The following DGCR2 variants were observed in gnomAD, a reference collection of about 807,000 sequenced individuals.
DGCR2 encodes DiGeorge syndrome critical region gene 2, also known as integral membrane protein DGCR2/IDD.
A neutral mutation model predicts 51.6 loss-of-function variants in DGCR2; 24 were observed. The ratio of observed to expected loss-of-function variants is 0.47; its 90% CI spans 0.34 to 0.65. The LOEUF (loss-of-function observed/expected upper bound fraction) is 0.65. DGCR2 is among the 30% of genes least tolerant of loss of function. The pLI is 0.01. For missense variants in DGCR2, 765 were observed against 772.1 expected, an observed-to-expected ratio of 0.99 and a Z score of 0.11; for synonymous variants, 340 against 315.4, an observed-to-expected ratio of 1.08 and a Z score of -0.82.
chr22:19,111,629 C>T (rs1010494186), intron 1 of DGCR2, among the ~76,000 whole-genome samples: 4 of 152,026 alleles, frequency 2.6e-5, no homozygotes, highest in Non-Finnish European at 5.9e-5. Context: ...TAGAACTATA[C>T]CCAAACTCCC....
intron 7 of DGCR2, among the ~76,000 whole-genome samples, chr22:19,043,866 G>C (rs753239106): frequency 6.6e-6 from 1 of 152,292 alleles, no homozygotes; most frequent in South Asian, 2.1e-4. Context: ...ATCTCCAAAA[G>C]CTGCATTTTT....
chr22:19,084,851 G>A (rs1394603182), intron 2 of DGCR2, among the ~76,000 whole-genome samples: 1 of 151,620 alleles, frequency 6.6e-6, no homozygotes, highest in African/African-American at 2.4e-5. Flanking sequence ...TCCGGGAGGT[G>A]GGGGGCGCCT....
intron 1 of DGCR2, among the ~76,000 whole-genome samples, chr22:19,105,129 C>A (rs2083248423): frequency 6.6e-6 from 1 of 152,162 alleles, no homozygotes; most frequent in Admixed American, 6.5e-5. Flanking sequence ...TCAAGACCAG[C>A]CTGGACAGCA....
intron 1 of DGCR2, among the ~76,000 whole-genome samples, chr22:19,120,746 CAT>C (rs1393109101): frequency 2.0e-5 from 3 of 152,190 alleles, no homozygotes; most frequent in Non-Finnish European, 4.4e-5. Context: ...TCTACACGTA[CAT>C]ATATGTTTTC....
At chr22:19,069,246 G>T (rs1372475668) in intron 2 of DGCR2, among the ~76,000 whole-genome samples, 1 of 152,228 alleles carries the variant, frequency 6.6e-6, no homozygotes, top group Non-Finnish European at 1.5e-5. Context: ...CACAGGGAGG[G>T]TTAGGAGGCC....
Position 19,039,109 on chromosome 22 carries a change from A to G in DGCR2, c.1409T>C (p.Phe470Ser), listed in dbSNP as rs917249893. ...VFYDPADDDA[F>S]EPVEVSLPAP... is the part of the protein sequence containing the mutation. ...TGGCAGGCTGACCTCCACAGGCTCA[A>G]AAGCATCATCGTCTGCAGGAAGAGA... The change falls in exon 10 of 10, where the codon TTT becomes TCT. Residue 470 changes from phenylalanine (F) to serine (S), a missense_variant. By Grantham distance (155) the Phe-to-Ser change is radical. Coordinates refer to ENST00000263196, the MANE Select transcript of DGCR2 (RefSeq NM_005137.3). 13 of 1,612,986 alleles carry G rather than the reference A, an allele frequency of 8.1e-6. No homozygotes were observed. The highest frequency in any genetic ancestry group is 5.3e-5 in the African/African-American group (4 of 74,932).
At chr22:19,100,598 G>A (rs181576791) in intron 1 of DGCR2, among the ~76,000 whole-genome samples, 13 of 150,666 alleles carry the variant, frequency 8.6e-5, no homozygotes, top group South Asian at 2.1e-4. Context: ...TCCGGGAGAC[G>A]GAGGTTGCAG....
chr22:19,048,025 T>G (rs2082508937), intron 7 of DGCR2: 4 of 237,824 alleles, frequency 1.7e-5, no homozygotes, highest in Admixed American at 5.1e-5. Context: ...AAACCCCGTC[T>G]CTACTAAAAA....
intron 1 of DGCR2, among the ~76,000 whole-genome samples, chr22:19,097,428 C>T (rs2083154209): frequency 6.6e-6 from 1 of 152,118 alleles, no homozygotes; most frequent in Non-Finnish European, 1.5e-5. Flanking sequence ...GTGCGGGTGC[C>T]TGTAATCCCA....
At chr22:19,058,653 A>T (rs1175318561) in intron 5 of DGCR2, among the ~76,000 whole-genome samples, 1 of 152,208 alleles carries the variant, frequency 6.6e-6, no homozygotes, top group African/African-American at 2.4e-5. Flanking sequence ...AAAAATCTTC[A>T]GCGCTGAAGC....
At chr22:19,074,620 A>G (rs1334266936) in intron 2 of DGCR2, among the ~76,000 whole-genome samples, 1 of 152,170 alleles carries the variant, frequency 6.6e-6, no homozygotes, top group South Asian at 2.1e-4. Context: ...ATACCAAATG[A>G]AACAGCTAAA....
intron 2 of DGCR2, among the ~76,000 whole-genome samples, chr22:19,082,684 A>AG (rs1308189736): frequency 2.6e-5 from 4 of 151,968 alleles, no homozygotes; most frequent in Non-Finnish European, 5.9e-5. Context: ...CAGGAGGTGG[A>AG]GGTTGCAGTG....
intron 2 of DGCR2, among the ~76,000 whole-genome samples, chr22:19,071,382 T>A (rs2082813239): frequency 6.6e-6 from 1 of 152,194 alleles, no homozygotes; most frequent in African/African-American, 2.4e-5. Flanking sequence ...GGGAAAGAAA[T>A]ATTCACAATA....
At chr22:19,115,991 T>A (rs1351481945) in intron 1 of DGCR2, among the ~76,000 whole-genome samples, 1 of 152,268 alleles carries the variant, frequency 6.6e-6, no homozygotes, top group Non-Finnish European at 1.5e-5. Flanking sequence ...AGACACTTTT[T>A]AGAATTTTAT....
intron 5 of DGCR2, among the ~76,000 whole-genome samples, chr22:19,062,593 G>C (rs544937780): frequency 5.7e-4 from 87 of 152,216 alleles, no homozygotes; most frequent in Admixed American, 4.8e-3. Flanking sequence ...GCGGCAGCTG[G>C]AGAAGGCACT....
At chr22:19,080,655 G>A (rs1011782509) in intron 2 of DGCR2, among the ~76,000 whole-genome samples, 1 of 152,144 alleles carries the variant, frequency 6.6e-6, no homozygotes, top group African/African-American at 2.4e-5. Context: ...CAGCAACAGG[G>A]CGAGACCTCG....
At chr22:19,088,900 ATGGC>A (rs1371462191) in intron 2 of DGCR2, among the ~76,000 whole-genome samples, 2 of 152,130 alleles carry the variant, frequency 1.3e-5, no homozygotes, top group African/African-American at 4.8e-5. Context: ...AGACTACATA[ATGGC>A]CAGGAGAGAA....
chr22:19,067,961 C>T (rs921775444), intron 3 of DGCR2, 139 bp downstream of exon 3: 10 of 1,228,120 alleles, frequency 8.1e-6, no homozygotes, highest in Non-Finnish European at 9.6e-6. Flanking sequence ...GGTCATCATG[C>T]AGCCTCATTC....
chr22:19,089,632 T>C, intron 1 of DGCR2, 142 bp from the exon 2 acceptor site: 1 of 988,318 alleles, frequency 1.0e-6, no homozygotes, highest in South Asian at 2.7e-5. Context: ...CAGGCTGGAG[T>C]GCCAGTGGTG....
Sources: allele counts gnomAD v4.1 joint callset (sites outside exome capture counted in the v4.1 genomes callset), GRCh38; gene constraint gnomAD v4.1.1; transcripts MANE v1.5; gene names NCBI Gene and HGNC (gene_info 2026-07-23, HGNC 2026-07-21).